The following KNTC1 variants were observed in gnomAD, a reference collection of about 807,000 sequenced individuals.
The protein encoded by KNTC1 is kinetochore associated 1, also known as kinetochore-associated protein 1.
KNTC1 carries 253 observed loss-of-function variants against 314.4 expected under a neutral mutation model. The ratio of observed to expected loss-of-function variants is 0.80; its 90% CI spans 0.73 to 0.89. KNTC1 has a LOEUF of 0.89. Ranked by LOEUF, KNTC1 falls within the 40% of genes least tolerant of loss-of-function variation. KNTC1 has a pLI of 0.00. For synonymous variants in KNTC1, 901 were observed against 901.4 expected (o/e 1.00, Z 0.01); for missense variants, 2,475 against 2,572.9 (o/e 0.96, Z 0.82).
Position 122,530,031 on chromosome 12 carries a change from T to G in KNTC1, c.-33T>G. 7 of 1,608,610 alleles carry G rather than the reference T, an allele frequency of 4.4e-6. No individual in the cohort carries two copies. The highest frequency in any genetic ancestry group is 5.1e-6 in the Non-Finnish European group (6 of 1,177,114). ...ATTTTATGTTGTTCAGGAAAGACAG[T>G]GGTTCCTGACTCAGGAAGACAGTCT... On this transcript the variant is annotated 5_prime_UTR_variant, in exon 2 of 64. Transcript: ENST00000333479.
At chr12:122,614,342 C>CTG (rs1163056539) in intron 55 of KNTC1, among the ~76,000 whole-genome samples, 1 of 152,202 alleles carries the variant, frequency 6.6e-6, no homozygotes, top group Non-Finnish European at 1.5e-5. Context: ...GGAGAGGAGA[C>CTG]TGTCCGGTAG....
intron 45 of KNTC1, chr12:122,601,992 G>A (rs1470153130): frequency 6.3e-6 from 1 of 157,496 alleles, no homozygotes; most frequent in African/African-American, 2.4e-5. Flanking sequence ...GTATTAATGG[G>A]TAGGTCCAAG....
At chr12:122,573,401 T>C in intron 26 of KNTC1, 116 bp downstream of exon 26, 1 of 945,994 alleles carries the variant, frequency 1.1e-6, no homozygotes, top group Admixed American at 2.4e-5. Context: ...TCATGCAGCA[T>C]ATTGAATTGG....
At chr12:122,556,342 T>A (rs1963590528) in intron 16 of KNTC1, among the ~76,000 whole-genome samples, 1 of 151,860 alleles carries the variant, frequency 6.6e-6, no homozygotes, top group African/African-American at 2.4e-5. Context: ...GAAATATACA[T>A]TATTACTAAC....
At chr12:122,619,188 G>T (rs763809891) in intron 59 of KNTC1, among the ~76,000 whole-genome samples, 4 of 150,322 alleles carry the variant, frequency 2.7e-5, no homozygotes, top group Non-Finnish European at 4.4e-5. Context: ...CTCCTGAGTT[G>T]CTGGGATTAC....
chr12:122,535,606 A>C (rs1961734619), intron 3 of KNTC1, among the ~76,000 whole-genome samples: 1 of 151,728 alleles, frequency 6.6e-6, no homozygotes, highest in African/African-American at 2.4e-5. Context: ...TCACTCCACT[A>C]CACTCCAGCC....
rs1593546801 is a variant in KNTC1 at position 122,562,440 on chromosome 12, TGTG to T, written c.1543-197_1543-195del. 5.8e-4 allele frequency among the ~76,000 whole-genome samples: 3 copies of T among 5,208 alleles called. 1 individual carries two copies. Among genetic ancestry groups the T allele is most frequent in the African/African-American group, 6.5e-4 (3 of 4,650 alleles). 3.4% of individuals were successfully genotyped at this position (5,208 alleles called of 152,430 possible). ...GAAATGTTTTTCTTATCCCATGTTT[TGTG>T]TGTGTGTGTGTGTGTGTGTGTGTGT... On this transcript the variant is annotated intron_variant, in intron 19 of 63. Transcript: ENST00000333479.
intron 59 of KNTC1, among the ~76,000 whole-genome samples, chr12:122,619,063 G>T (rs899527159): frequency 7.0e-6 from 1 of 143,518 alleles, no homozygotes; most frequent in Non-Finnish European, 1.5e-5. Context: ...TTTTTGTTTT[G>T]TTTTTTGTTT....
In KNTC1 at chr12:122,597,798, G is replaced by A; in HGVS notation, c.4423G>A (p.Ala1475Thr). Residue 1475 changes from alanine (A) to threonine (T), a missense_variant, in exon 44 of 64, where the codon GCC becomes ACC. Physicochemically the swap from Ala to Thr is moderately conservative, Grantham distance 58 (BLOSUM62 0). Transcript: ENST00000333479. ...FIETLLHNTN[A>T]GQGQGDASMD... is the part of the protein sequence containing the mutation. ...TGAAACGCTGCTCCACAACACAAAT[G>A]CCGGCCAAGGCCAGGGAGATGCAAG... The A allele has an allele frequency of 6.2e-7, 1 of 1,613,986 alleles. No individual in the cohort carries two copies. Among genetic ancestry groups the A allele is most frequent in the Non-Finnish European group, 8.5e-7 (1 of 1,179,874 alleles).
rs1565958211 is a variant in KNTC1 at position 122,562,442 on chromosome 12, TGTG to T, written c.1543-195_1543-193del. On this transcript the variant is annotated intron_variant, in intron 19 of 63. Transcript: ENST00000333479. ...AATGTTTTTCTTATCCCATGTTTTG[TGTG>T]TGTGTGTGTGTGTGTGTGTGTGTGT... is the stretch of plus-strand genomic sequence containing the variant. 7.7e-3 allele frequency among the ~76,000 whole-genome samples: 89 copies of T among 11,576 alleles called. 1 individual carries two copies. Among genetic ancestry groups the T allele is most frequent in the African/African-American group, 9.6e-3 (85 of 8,840 alleles). The allele number at this position is 11,576 out of a possible 152,430, so 7.6% of individuals were successfully genotyped here.
intron 9 of KNTC1, 56 bp from the exon 10 acceptor site, chr12:122,546,566 T>G (rs1962779974): frequency 1.8e-6 from 2 of 1,121,138 alleles, no homozygotes; most frequent in Admixed American, 4.7e-5. Flanking sequence ...GTTTTTTATT[T>G]AGATATATGA....
rs771693908 is a variant in KNTC1, at chr12:122,544,224, T to C, written c.624T>C (p.Ser208=). 1 of 1,588,884 alleles carries C rather than the reference T, an allele frequency of 6.3e-7. No homozygotes were observed. Among genetic ancestry groups the C allele is most frequent in the South Asian group, 1.2e-5 (1 of 85,062 alleles). ...ATTATCATACTCTTGGTTGTCTCAG[T>C]CTTGTGGCTGGAGATTTAGCAAGTG... ...TENYHTLGCL[S]LVAGDLASEV... The change falls in exon 8 of 64, where the codon AGT becomes AGC. Residue 208 remains serine (S), a synonymous_variant. Transcript: ENST00000333479.
chr12:122,563,032 T>A (rs1964087555), intron 20 of KNTC1, among the ~76,000 whole-genome samples: 1 of 151,904 alleles, frequency 6.6e-6, no homozygotes, highest in South Asian at 2.1e-4. Flanking sequence ...TTTTTTTTTT[T>A]AGATTATAAG....
At chr12:122,569,636 G>A (rs763120986) in intron 21 of KNTC1, 45 bp from the exon 22 acceptor site, 1 of 1,548,576 alleles carries the variant, frequency 6.5e-7, no homozygotes, top group Admixed American at 1.9e-5. Flanking sequence ...GGAAGCCTTT[G>A]GTTTAAATTT....
intron 24 of KNTC1, among the ~76,000 whole-genome samples, chr12:122,571,859 G>C (rs1964708524): frequency 6.6e-6 from 1 of 151,770 alleles, no homozygotes; most frequent in Non-Finnish European, 1.5e-5. Context: ...TTTTAGTAGA[G>C]ACGGGATTTC....
At chr12:122,552,474 C>T (rs1233305312) in intron 16 of KNTC1, among the ~76,000 whole-genome samples, 1 of 152,142 alleles carries the variant, frequency 6.6e-6, no homozygotes, top group Non-Finnish European at 1.5e-5. Flanking sequence ...AAGTGATCCT[C>T]CTGCTTCAGC....
intron 12 of KNTC1, among the ~76,000 whole-genome samples, chr12:122,548,706 A>T (rs921829166): frequency 6.6e-6 from 1 of 151,954 alleles, no homozygotes; most frequent in Non-Finnish European, 1.5e-5. Flanking sequence ...GTTGGCTCAC[A>T]CCTGTAATCC....
intron 16 of KNTC1, among the ~76,000 whole-genome samples, chr12:122,555,051 GACAA>G (rs1202205151): frequency 1.4e-5 from 2 of 144,030 alleles, no homozygotes; most frequent in Non-Finnish European, 3.0e-5. Flanking sequence ...TCTCTAAACA[GACAA>G]ACAAAATCGA....
At chr12:122,594,485 A>G in intron 43 of KNTC1, 100 bp downstream of exon 43, 2 of 712,498 alleles carry the variant, frequency 2.8e-6, no homozygotes, top group Non-Finnish European at 2.4e-6. Context: ...AGGTCCATAG[A>G]CCACTATTTT....
Sources: allele counts gnomAD v4.1 joint callset (sites outside exome capture counted in the v4.1 genomes callset), GRCh38; gene constraint gnomAD v4.1.1; transcripts MANE v1.5; gene names NCBI Gene and HGNC (gene_info 2026-07-23, HGNC 2026-07-21).